The following ITIH5 variants were observed in gnomAD, a reference collection of about 807,000 sequenced individuals.
The protein encoded by ITIH5 is inter-alpha-trypsin inhibitor heavy chain H5.
ITIH5 carries 65 observed loss-of-function variants against 77.5 expected under a neutral mutation model. The ratio of observed to expected loss-of-function variants is 0.84; its 90% confidence interval spans 0.69 to 1.03. ITIH5 has a LOEUF of 1.03. Ranked by LOEUF, ITIH5 falls within the 50% of genes least tolerant of loss-of-function variation. The pLI, the probability that ITIH5 is intolerant of heterozygous loss-of-function variation, is 0.00. For missense variants in ITIH5, 1,208 were observed against 1,213.1 expected (o/e 1.00, Z 0.06); for synonymous variants, 525 against 494.3 (o/e 1.06, Z -0.82).
chr10:7,603,383 G>C (rs1356185124), intron 7 of ITIH5, among the ~76,000 whole-genome samples: 3 of 152,082 alleles, frequency 2.0e-5, no homozygotes, highest in Admixed American at 1.3e-4. Flanking sequence ...AGTAGTCAAG[G>C]GCTAGAAAAA....
chr10:7,637,422 GCT>G lies in ITIH5; in HGVS notation c.456_457del (p.Lys152AsnfsTer8). 3 of 1,613,966 alleles carry G rather than the reference GCT, an allele frequency of 1.9e-6. No homozygotes were observed. Among genetic ancestry groups the G allele is most frequent in the Non-Finnish European group, 2.5e-6 (3 of 1,179,856 alleles). ...CTCCTCATAACTCAGGAAAAAGGCGGCTTTGTCCTTGCTGGGAATCACTGCAG... is the reference window on the plus strand; with the variant it reads ...CTCCTCATAACTCAGGAAAAAGGCGGTTGTCCTTGCTGGGAATCACTGCAG... On this transcript the variant is annotated frameshift_variant, in exon 5 of 14. Coordinates refer to ENST00000397146, the MANE Select transcript of ITIH5 (RefSeq NM_030569.7). LOFTEE classifies it high-confidence loss of function.
At chr10:7,592,687 C>G (rs548264892) in intron 7 of ITIH5, among the ~76,000 whole-genome samples, 17 of 152,050 alleles carry the variant, frequency 1.1e-4, no homozygotes, top group African/African-American at 3.9e-4. Flanking sequence ...ATCAATAACT[C>G]GGAGAACTGC....
chr10:7,621,517 G>T (rs1425910226), intron 5 of ITIH5: 9 of 152,094 alleles, frequency 5.9e-5, no homozygotes, highest in Non-Finnish European at 1.3e-4. Context: ...CCAAAGAATG[G>T]GTTGATTCTC....
At chr10:7,644,135 G>A (rs1451108862) in intron 2 of ITIH5, among the ~76,000 whole-genome samples, 3 of 152,036 alleles carry the variant, frequency 2.0e-5, no homozygotes, top group Non-Finnish European at 2.9e-5. Flanking sequence ...CTACTCAGGT[G>A]GCTGAGGCAG....
chr10:7,563,533 C>CT, intron 13 of ITIH5, 149 bp from the exon 14 acceptor site: 2 of 683,958 alleles, frequency 2.9e-6, no homozygotes, highest in Admixed American at 5.9e-5. Flanking sequence ...AACATGTGCT[C>CT]TGGGGGGCAG....
intron 7 of ITIH5, among the ~76,000 whole-genome samples, chr10:7,612,970 C>A (rs572788289): frequency 8.5e-5 from 13 of 152,152 alleles, no homozygotes; most frequent in Non-Finnish European, 1.5e-5. Context: ...CAGGGCCGGG[C>A]GCGGTGGCTC....
intron 12 of ITIH5, among the ~76,000 whole-genome samples, chr10:7,567,089 C>T (rs192109811): frequency 1.5e-4 from 22 of 151,682 alleles, no homozygotes; most frequent in African/African-American, 4.8e-4. Flanking sequence ...AAGTTATGTG[C>T]GGATTTTTTA....
intron 9 of ITIH5, among the ~76,000 whole-genome samples, chr10:7,577,376 G>A (rs149814399): frequency 6.6e-6 from 1 of 152,098 alleles, no homozygotes; most frequent in Non-Finnish European, 1.5e-5. Flanking sequence ...CAGACATTTG[G>A]ATGCTTAAAA....
At chr10:7,619,974 T>G (rs1833447065) in intron 5 of ITIH5, 1 of 152,202 alleles carries the variant, frequency 6.6e-6, no homozygotes, top group Non-Finnish European at 1.5e-5. Flanking sequence ...GTCAGGAGTT[T>G]GAGATCAGCC....
At position 7,572,541 on chromosome 10, in the gene ITIH5, G is replaced by T. The variant is rs944255764; in HGVS notation, c.2032+601C>A. 1.4e-5 allele frequency: 16 copies of T among 1,171,660 alleles called. No homozygotes were observed. In the East Asian group the frequency reaches 9.2e-4, roughly 68 times the overall value. The allele number at this position is 1,171,660 out of a possible 1,614,324, so 72.6% of individuals were successfully genotyped here. A position where few individuals can be genotyped will look rare whatever the true frequency, so the allele number is the denominator to read the frequency against. On this transcript the variant is annotated intron_variant, in intron 11 of 13. Coordinates refer to ENST00000397146, the MANE Select transcript of ITIH5 (RefSeq NM_030569.7). ...AAAACAAATGTCTTCTAAACTCAAT[G>T]AGGGTCAGAATGTGCCTCTGCCACC...
intron 10 of ITIH5, among the ~76,000 whole-genome samples, chr10:7,573,778 ATTCTT>A (rs1489172285): frequency 2.0e-5 from 3 of 152,100 alleles, no homozygotes; most frequent in African/African-American, 2.4e-5. Flanking sequence ...TTTAGATACT[ATTCTT>A]TTCTGTGATT....
At chr10:7,656,192 G>A (rs1834178448) in intron 1 of ITIH5, among the ~76,000 whole-genome samples, 1 of 152,122 alleles carries the variant, frequency 6.6e-6, no homozygotes, top group Admixed American at 6.6e-5. Flanking sequence ...GCTTCCACAT[G>A]CCGGGGAGGG....
At chr10:7,567,482 GC>G (rs1181967888) in intron 12 of ITIH5, among the ~76,000 whole-genome samples, 2 of 137,626 alleles carry the variant, frequency 1.5e-5, no homozygotes, top group African/African-American at 2.7e-5. Context: ...ATGCTATCCC[GC>G]CCCCCTACCC....
intron 12 of ITIH5, among the ~76,000 whole-genome samples, chr10:7,568,940 T>C (rs1258195625): frequency 1.3e-5 from 2 of 152,116 alleles, no homozygotes; most frequent in Non-Finnish European, 2.9e-5. Context: ...ATCACAGCTT[T>C]TGAATGGATA....
At chr10:7,644,227 G>T (rs1321550149) in intron 2 of ITIH5, among the ~76,000 whole-genome samples, 1 of 147,528 alleles carries the variant, frequency 6.8e-6, no homozygotes, top group African/African-American at 2.5e-5. Flanking sequence ...GACAGAGCAA[G>T]ACCCTGTCAC....
At chr10:7,601,388 A>C (rs1224815260) in intron 7 of ITIH5, among the ~76,000 whole-genome samples, 1 of 152,220 alleles carries the variant, frequency 6.6e-6, no homozygotes, top group Non-Finnish European at 1.5e-5. Context: ...TTGTCCTCAC[A>C]GAAGCAAATC....
At chr10:7,621,692 G>A (rs1833476317) in intron 5 of ITIH5, 1 of 151,946 alleles carries the variant, frequency 6.6e-6, no homozygotes, top group Admixed American at 6.6e-5. Context: ...TTTTTATTAA[G>A]GGGGAAAAAA....
At chr10:7,633,304 T>C (rs1340695255) in intron 5 of ITIH5, among the ~76,000 whole-genome samples, 2 of 152,248 alleles carry the variant, frequency 1.3e-5, no homozygotes, top group Admixed American at 6.5e-5. Context: ...TCTTCCAAAA[T>C]ACGTCTCACA....
intron 11 of ITIH5, chr10:7,572,323 T>C: frequency 7.3e-7 from 1 of 1,367,494 alleles, no homozygotes; most frequent in South Asian, 1.1e-5. Context: ...GAATTTTTAT[T>C]ATAGTTCCAG....
Sources: gnomAD v4.1 joint callset for allele counts (sites outside exome capture counted in the v4.1 genomes callset) on GRCh38, gnomAD v4.1.1 for gene constraint, MANE v1.5 for transcripts, NCBI Gene and HGNC (gene_info 2026-07-23, HGNC 2026-07-21) for gene names.